Variants in UST observed in about 807,000 individuals in gnomAD.
UST encodes uronyl 2-sulfotransferase, also known as chondroitin sulfate 2-O-sulfotransferase.
In UST, 21 loss-of-function variants were observed where a neutral mutation model predicts 45.6. That is an observed-to-expected ratio of 0.46 (90% CI 0.33 to 0.66). The LOEUF is 0.66. UST is among the 30% of genes least tolerant of loss of function. The pLI is 0.02. For missense variants in UST, 463 were observed against 512.4 expected, an observed-to-expected ratio of 0.90 and a Z score of 0.93; for synonymous variants, 215 against 200.6, an observed-to-expected ratio of 1.07 and a Z score of -0.61.
intron 1 of UST, among the ~76,000 whole-genome samples, chr6:148,846,806 A>G (rs1778001095): frequency 6.6e-6 from 1 of 152,230 alleles, no homozygotes. Context: ...AGCAGTGACA[A>G]TCTGGAAACC....
At chr6:149,030,389 C>G (rs1185730228) in intron 7 of UST, among the ~76,000 whole-genome samples, 1 of 151,866 alleles carries the variant, frequency 6.6e-6, no homozygotes, top group Non-Finnish European at 1.5e-5. Flanking sequence ...TACCTGTAAC[C>G]CCAGCACCTT....
intron 7 of UST, among the ~76,000 whole-genome samples, chr6:149,062,107 A>G (rs1776662916): frequency 6.6e-6 from 1 of 152,220 alleles, no homozygotes; most frequent in Non-Finnish European, 1.5e-5. Context: ...TTTGTGGTGA[A>G]CCTTCCTTAT....
chr6:148,888,546 C>T (rs544244613), intron 2 of UST, among the ~76,000 whole-genome samples: 10 of 152,284 alleles, frequency 6.6e-5, no homozygotes, highest in Admixed American at 6.5e-4. Context: ...TTCTCATGTG[C>T]AGGGTGGGAC....
chr6:148,839,294 G>T (rs1237250450), intron 1 of UST, among the ~76,000 whole-genome samples: 1 of 152,112 alleles, frequency 6.6e-6, no homozygotes, highest in Non-Finnish European at 1.5e-5. Context: ...AATCAGGAAG[G>T]CCCCTCTCCT....
chr6:148,831,366 T>A (rs1777684484), intron 1 of UST, among the ~76,000 whole-genome samples: 1 of 152,220 alleles, frequency 6.6e-6, no homozygotes. Flanking sequence ...CACAGACAAG[T>A]ATTCTTTTTA....
chr6:149,050,590 G>A (rs1776468990), intron 7 of UST, among the ~76,000 whole-genome samples: 1 of 152,182 alleles, frequency 6.6e-6, no homozygotes, highest in Admixed American at 6.5e-5. Context: ...GTAAACACCA[G>A]CATTATTGAG....
chr6:148,823,796 A>G (rs1171197216), intron 1 of UST, among the ~76,000 whole-genome samples: 1 of 152,194 alleles, frequency 6.6e-6, no homozygotes, highest in African/African-American at 2.4e-5. Context: ...AGAATTTTAG[A>G]TGCAGAATGA....
At chr6:148,935,006 T>C (rs981692018) in intron 2 of UST, among the ~76,000 whole-genome samples, 16 of 152,242 alleles carry the variant, frequency 1.1e-4, no homozygotes, top group African/African-American at 3.9e-4. Context: ...TCTCATAGAC[T>C]ATGAAAGTCT....
rs78348958 is a variant in UST, at chr6:148,756,855, T to A, written c.247+9178T>A. On this transcript the variant is annotated intron_variant, in intron 1 of 7. Transcript: ENST00000367463. ...GCTGAGCAACTGTTCTTCACTAGGA[T>A]TCCAAATCCTGCTTTGTTTGGTCTC... Among the ~76,000 whole-genome samples, 301 of 152,344 alleles carry A rather than the reference T, an allele frequency of 2.0e-3. 1 individual carries two copies. Among genetic ancestry groups the A allele is most frequent in the African/African-American group, 7.0e-3 (291 of 41,572 alleles).
intron 3 of UST, among the ~76,000 whole-genome samples, chr6:148,945,365 T>C (rs1183591904): frequency 2.6e-5 from 4 of 152,234 alleles, no homozygotes; most frequent in African/African-American, 7.2e-5. Flanking sequence ...ATGCAGTGTT[T>C]ATCTCCTCTA....
At chr6:148,879,014 G>T (rs1047908058) in intron 1 of UST, among the ~76,000 whole-genome samples, 5 of 152,078 alleles carry the variant, frequency 3.3e-5, no homozygotes, top group Non-Finnish European at 5.9e-5. Context: ...TACATTGTTT[G>T]CAGGAACAAT....
At chr6:148,838,772 G>C (rs148834166) in intron 1 of UST, among the ~76,000 whole-genome samples, 2 of 152,058 alleles carry the variant, frequency 1.3e-5, no homozygotes, top group East Asian at 1.9e-4. Context: ...TCACTTTGCT[G>C]TGTGGAGAGT....
At chr6:148,792,446 A>G (rs953438862) in intron 1 of UST, among the ~76,000 whole-genome samples, 4 of 152,106 alleles carry the variant, frequency 2.6e-5, no homozygotes, top group East Asian at 3.9e-4. Flanking sequence ...TGTGTAAACT[A>G]TCCTCCCAGA....
At chr6:148,838,671 G>T (rs1338663120) in intron 1 of UST, among the ~76,000 whole-genome samples, 1 of 152,074 alleles carries the variant, frequency 6.6e-6, no homozygotes, top group Non-Finnish European at 1.5e-5. Flanking sequence ...AAGGTGAGAA[G>T]ATCACTTGAG....
chr6:148,995,275 G>A lies in UST; in HGVS notation c.682-23864G>A, dbSNP rs935907466. ...TGGCCTCAAGTGATCCGCCCGCCTC[G>A]GCCTCCCAAAGTGCTGGGATTCCAG... On this transcript the variant is annotated intron_variant, in intron 5 of 7. Coordinates refer to ENST00000367463, the MANE Select transcript of UST (RefSeq NM_005715.3). Among the ~76,000 whole-genome samples the A allele has an allele frequency of 3.3e-4, 50 of 152,244 alleles. 1 individual carries two copies. Among genetic ancestry groups the A allele is most frequent in the Admixed American group, 2.7e-3 (41 of 15,302 alleles).
At chr6:148,984,661 A>C (rs894682268) in intron 5 of UST, among the ~76,000 whole-genome samples, 2 of 152,160 alleles carry the variant, frequency 1.3e-5, no homozygotes, top group Non-Finnish European at 2.9e-5. Context: ...CAGCCTGCCA[A>C]GTAGCTCGGG....
chr6:148,885,791 T>A (rs985007296), intron 1 of UST, among the ~76,000 whole-genome samples: 2 of 152,204 alleles, frequency 1.3e-5, no homozygotes, highest in Non-Finnish European at 2.9e-5. Context: ...CCCTTCTTAG[T>A]CCAGTTTCTT....
rs768490502 is a variant in UST at position 149,019,160 on chromosome 6, G to A, written c.703G>A (p.Glu235Lys). 6 of 1,613,672 alleles carry A rather than the reference G, an allele frequency of 3.7e-6. No homozygotes were observed. The highest frequency in any genetic ancestry group is 5.1e-6 in the Non-Finnish European group (6 of 1,179,774). Residue 235 changes from glutamate (E) to lysine (K), a missense_variant, in exon 6 of 8, where the codon GAA becomes AAA. Glu to Lys is a moderately conservative substitution (Grantham distance 56). Coordinates refer to ENST00000367463, the MANE Select transcript of UST (RefSeq NM_005715.3). ...RYLDINECIL[E>K]NYPECSNPRL... ...CTAGGATATCAATGAGTGTATTCTT[G>A]AAAACTATCCCGAGTGCTCCAACCC...
At chr6:148,857,662 C>G (rs1266458278) in intron 1 of UST, among the ~76,000 whole-genome samples, 2 of 150,916 alleles carry the variant, frequency 1.3e-5, no homozygotes, top group East Asian at 3.9e-4. Context: ...TTGAAGTGCT[C>G]TTACCCCTTA....
Sources: gnomAD v4.1 joint callset for allele counts (sites outside exome capture counted in the v4.1 genomes callset) on GRCh38, gnomAD v4.1.1 for gene constraint, MANE v1.5 for transcripts, NCBI Gene and HGNC (gene_info 2026-07-23, HGNC 2026-07-21) for gene names.